Variants in NEK10 observed in about 807,000 individuals in gnomAD.
NEK10 encodes the protein NIMA related kinase 10.
In NEK10, 122 loss-of-function variants were observed where a neutral mutation model predicts 159.8. The ratio of observed to expected loss-of-function variants is 0.76; its 90% confidence interval spans 0.66 to 0.89. NEK10 has a LOEUF of 0.89. Ranked by LOEUF, NEK10 falls within the 40% of genes least tolerant of loss-of-function variation. The probability of loss-of-function intolerance (pLI) is 0.00; values close to 1 mark genes in which losing one functional copy is unlikely to be tolerated. For synonymous variants in NEK10, 466 were observed against 457.1 expected, an observed-to-expected ratio of 1.02 and a Z score of -0.25; for missense variants, 1,342 against 1,323.1, an observed-to-expected ratio of 1.01 and a Z score of -0.22.
chr3:27,260,214 C>A (rs1042636923), intron 22 of NEK10, among the ~76,000 whole-genome samples: 1 of 152,082 alleles, frequency 6.6e-6, no homozygotes, highest in Admixed American at 6.5e-5. Flanking sequence ...CCTTTATTTC[C>A]TTCTCCTGCC....
chr3:27,230,767 G>A (rs1234642708), intron 23 of NEK10, among the ~76,000 whole-genome samples: 1 of 151,920 alleles, frequency 6.6e-6, no homozygotes, highest in African/African-American at 2.4e-5. Flanking sequence ...AGTAAGAAAA[G>A]GCAAAGAAGG....
chr3:27,144,159 G>A (rs564334934), intron 30 of NEK10, among the ~76,000 whole-genome samples: 10 of 151,992 alleles, frequency 6.6e-5, no homozygotes, highest in African/African-American at 2.4e-4. Context: ...GTAAACAAAT[G>A]GTGACATATC....
intron 3 of NEK10, among the ~76,000 whole-genome samples, chr3:27,350,782 C>G (rs983672529): frequency 1.3e-5 from 2 of 152,024 alleles, no homozygotes; most frequent in Non-Finnish European, 2.9e-5. Flanking sequence ...AAAGGGCACA[C>G]GAGAGATCCA....
At chr3:27,338,675 C>G (rs148315437) in intron 5 of NEK10, among the ~76,000 whole-genome samples, 14,693 of 152,092 alleles carry the variant, frequency 0.097, 1,573 homozygotes, top group African/African-American at 0.27. Flanking sequence ...CTCTGATGAC[C>G]AGTGATGATG....
chr3:27,295,741 C>A, intron 14 of NEK10, 51 bp from the exon 15 acceptor site: 1 of 1,487,856 alleles, frequency 6.7e-7, no homozygotes, highest in Non-Finnish European at 8.9e-7. Context: ...TAGTGATACA[C>A]AAGCAAAAAG....
chr3:27,294,456 G>A (rs147282173), intron 15 of NEK10, among the ~76,000 whole-genome samples: 1 of 152,324 alleles, frequency 6.6e-6, no homozygotes, highest in East Asian at 1.9e-4. Context: ...CTGTGAGAAA[G>A]GGAGAGCATG....
chr3:27,251,371 A>G (rs1955645626), intron 23 of NEK10, among the ~76,000 whole-genome samples: 1 of 152,188 alleles, frequency 6.6e-6, no homozygotes, highest in Non-Finnish European at 1.5e-5. Context: ...AAATGACTGG[A>G]TCATGGGGGT....
In NEK10 at chr3:27,106,905, A is replaced by G. The variant is rs373381410; in HGVS notation, c.*4367T>C. ...AGCTATTTCCAAATGACAGCATTTA[A>G]ACAGTCACGTACTTCTGTTATCGCT... On this transcript the variant is annotated 3_prime_UTR_variant, in exon 36 of 36. Transcript: ENST00000691995. Among the ~76,000 whole-genome samples the G allele has an allele frequency of 6.6e-6, 1 of 152,228 alleles. No homozygotes were observed. Among genetic ancestry groups the G allele is most frequent in the African/African-American group, 2.4e-5 (1 of 41,466 alleles).
At position 27,107,011 on chromosome 3, in the gene NEK10, GA is replaced by G. The variant is rs1389343312; in HGVS notation, c.*4260del. Among the ~76,000 whole-genome samples the G allele has an allele frequency of 6.6e-6, 1 of 152,084 alleles. No individual in the cohort carries two copies. The highest frequency in any genetic ancestry group is 1.5e-5 in the Non-Finnish European group (1 of 68,016). On this transcript the variant is annotated 3_prime_UTR_variant, in exon 36 of 36. Transcript: ENST00000691995. Reference sequence around the variant, plus strand: ...AAAAGGCAGTTTCTCATGTTTTGAGGAATAACATTCAGTTTTGAATTAAGAC... The same window carrying G: ...AAAAGGCAGTTTCTCATGTTTTGAGGATAACATTCAGTTTTGAATTAAGAC...
At chr3:27,296,605 A>C (rs1475530117) in intron 14 of NEK10, among the ~76,000 whole-genome samples, 1 of 152,174 alleles carries the variant, frequency 6.6e-6, no homozygotes, top group East Asian at 1.9e-4. Flanking sequence ...AACTTTTGTG[A>C]TAGAAACCCA....
intron 22 of NEK10, among the ~76,000 whole-genome samples, chr3:27,279,941 G>A (rs897921097): frequency 6.6e-6 from 1 of 151,960 alleles, no homozygotes; most frequent in Non-Finnish European, 1.5e-5. Context: ...AGGCCGAGGC[G>A]GGCGGATCAT....
intron 5 of NEK10, among the ~76,000 whole-genome samples, chr3:27,326,574 A>G (rs2046014197): frequency 6.7e-6 from 1 of 148,408 alleles, no homozygotes; most frequent in Non-Finnish European, 1.5e-5. Flanking sequence ...GAAAAAGAAA[A>G]GAACAAAAAT....
intron 25 of NEK10, among the ~76,000 whole-genome samples, chr3:27,200,396 T>C (rs756025025): frequency 2.0e-5 from 3 of 152,000 alleles, no homozygotes; most frequent in Non-Finnish European, 4.4e-5. Flanking sequence ...ATTTCTACAA[T>C]CCAAAATACT....
intron 22 of NEK10, among the ~76,000 whole-genome samples, chr3:27,270,882 A>G (rs1217203051): frequency 1.3e-5 from 2 of 152,130 alleles, no homozygotes; most frequent in African/African-American, 4.8e-5. Flanking sequence ...ACACTATAAA[A>G]AAAAAGTCCT....
chr3:27,151,896 A>G (rs138015371), intron 30 of NEK10, among the ~76,000 whole-genome samples: 3 of 152,358 alleles, frequency 2.0e-5, no homozygotes, highest in Non-Finnish European at 4.4e-5. Context: ...TTGAACAAGT[A>G]GAGCTCAAAG....
chr3:27,290,755 C>G lies in NEK10; in HGVS notation c.1606-1G>C, dbSNP rs1275131480. The G allele has an allele frequency of 1.3e-6, 2 of 1,589,094 alleles. No homozygotes were observed. Among genetic ancestry groups the G allele is most frequent in the Non-Finnish European group, 1.7e-6 (2 of 1,169,626 alleles). ...GATTTTGACCACTATGCTTTCTAAC[C>G]TAAAATAAAGAAAAACACAACAACA... On this transcript the variant is annotated splice_acceptor_variant, in intron 18 of 35. Transcript: ENST00000691995. LOFTEE classifies it high-confidence loss of function.
At chr3:27,303,472 A>G (rs578501) in intron 12 of NEK10, among the ~76,000 whole-genome samples, 60,673 of 152,020 alleles carry the variant, frequency 0.4, 15,792 homozygotes, top group African/African-American at 0.75. Flanking sequence ...TCGTCATCCT[A>G]CAAACCTAAA....
chr3:27,202,368 T>C (rs1012629537), intron 24 of NEK10, 60 bp downstream of exon 24: 50 of 1,503,224 alleles, frequency 3.3e-5, no homozygotes, highest in African/African-American at 7.0e-5. Context: ...ATCTGTTTAA[T>C]AAGAAAAAGA....
At chr3:27,181,582 T>C (rs1220101032) in intron 26 of NEK10, among the ~76,000 whole-genome samples, 1 of 152,200 alleles carries the variant, frequency 6.6e-6, no homozygotes, top group Non-Finnish European at 1.5e-5. Flanking sequence ...TTCAGGTCTC[T>C]GCCCAAATGT....
Sources: allele counts gnomAD v4.1 joint callset (sites outside exome capture counted in the v4.1 genomes callset), GRCh38; gene constraint gnomAD v4.1.1; transcripts MANE v1.5; gene names NCBI Gene and HGNC (gene_info 2026-07-23, HGNC 2026-07-21).